The following DGKZ variants were observed in gnomAD, a reference collection of about 807,000 sequenced individuals.
DGKZ encodes the protein diacylglycerol kinase zeta, also known as DAG kinase zeta.
In DGKZ, 45 loss-of-function variants were observed where a neutral mutation model predicts 142.5. The ratio of observed to expected loss-of-function variants is 0.32; its 90% CI spans 0.25 to 0.40. DGKZ has a LOEUF of 0.40. DGKZ is among the 10% of genes least tolerant of loss of function. DGKZ has a pLI of 1.00. For synonymous variants in DGKZ, 442 were observed against 527.0 expected (o/e 0.84, Z 2.21); for missense variants, 755 against 1,306.5 (o/e 0.58, Z 6.51).
intron 4 of DGKZ, chr11:46,369,069 G>A (rs1565054532): frequency 1.6e-5 from 4 of 243,530 alleles, no homozygotes; most frequent in East Asian, 2.5e-4. Flanking sequence ...TTAGCCAGGC[G>A]TGGTGATGCA....
In DGKZ at chr11:46,374,293, G is replaced by T. The variant is rs75597153; in HGVS notation, c.1405+58G>T. 22,393 of 1,612,318 alleles carry T rather than the reference G, an allele frequency of 0.014. 2,677 individuals carry two copies. In the African/African-American group the frequency reaches 0.26, roughly 19 times the overall value. ...TGGGCACAGGAGTGTCCCCGGGAGG[G>T]TCAGACCCTGCTCCCGCCAGTGAAG... On this transcript the variant is annotated intron_variant, in intron 15 of 30. Coordinates refer to ENST00000527911, the Ensembl canonical transcript of DGKZ.
At chr11:46,356,789 T>G (rs1343905951) in intron 1 of DGKZ, among the ~76,000 whole-genome samples, 1 of 152,204 alleles carries the variant, frequency 6.6e-6, no homozygotes, top group Non-Finnish European at 1.5e-5. Context: ...GCTTTGTCTC[T>G]CAGTTTCCTC....
In DGKZ at chr11:46,333,527, A is replaced by G. The variant is rs756129517; in HGVS notation, c.212+40A>G. The stretch of plus-strand genomic sequence containing the variant: ...GGCAGAGGGGAGCGCGGCGCTTGGG[A>G]CCACCCCTCTTGCAGGCGTCATTGC... On this transcript the variant is annotated intron_variant, in intron 1 of 30. Transcript: ENST00000343674. The G allele has an allele frequency of 4.0e-5, 61 of 1,519,768 alleles. No individual in the cohort carries two copies. In the Admixed American group the frequency reaches 1.2e-3, roughly 29 times the overall value. The allele number at this position is 1,519,768 out of a possible 1,614,324, so 94.1% of individuals were successfully genotyped here.
chr11:46,360,032 T>C (rs923888355), intron 1 of DGKZ, among the ~76,000 whole-genome samples: 3 of 152,176 alleles, frequency 2.0e-5, no homozygotes, highest in Non-Finnish European at 4.4e-5. Context: ...TTAAAGATAT[T>C]CCTTCTTTTT....
At chr11:46,354,443 A>C (rs2136417963) in intron 1 of DGKZ, among the ~76,000 whole-genome samples, 1 of 152,172 alleles carries the variant, frequency 6.6e-6, no homozygotes, top group South Asian at 2.1e-4. Flanking sequence ...TGATCCTCCC[A>C]CCTTGGCCTC....
intron 1 of DGKZ, among the ~76,000 whole-genome samples, chr11:46,352,571 C>G (rs540517928): frequency 1.2e-4 from 18 of 152,344 alleles, no homozygotes; most frequent in South Asian, 2.1e-4. Flanking sequence ...TCTGGGACTC[C>G]CGCGCTGGGC....
intron 4 of DGKZ, chr11:46,368,670 T>C (rs1590567128): frequency 5.1e-6 from 1 of 194,690 alleles, no homozygotes; most frequent in African/African-American, 2.4e-5. Flanking sequence ...CAGGCTGCTT[T>C]CCCCAGCCTC....
chr11:46,379,635 G>T, intron 30 of DGKZ, 67 bp downstream of exon 30: 1 of 1,435,196 alleles, frequency 7.0e-7, no homozygotes. Flanking sequence ...TCCTAGGCGG[G>T]AGCTGGGGCT....
chr11:46,353,985 G>T (rs982724615), intron 1 of DGKZ, among the ~76,000 whole-genome samples: 16 of 152,230 alleles, frequency 1.1e-4, no homozygotes, highest in Non-Finnish European at 1.5e-5. Flanking sequence ...GGCGGGGGCG[G>T]TTGTGAAAGG....
At chr11:46,371,914 G>A in intron 9 of DGKZ, 139 bp downstream of exon 9, 4 of 1,247,758 alleles carry the variant, frequency 3.2e-6, no homozygotes, top group South Asian at 1.3e-5. Flanking sequence ...AGGAAGGCAG[G>A]ATTAGATGCC....
Position 46,365,216 on chromosome 11 carries a change from G to T in DGKZ, c.162-2075G>T, listed in dbSNP as rs937662639. ...GCCTGCCTGCAGGAGGGAGCTCTGG[G>T]CTGTGCAGCGTTTGGAATTGTGAGT... On this transcript the variant is annotated intron_variant, in intron 1 of 30. Coordinates refer to ENST00000527911, the Ensembl canonical transcript of DGKZ. 10 of 985,320 alleles carry T rather than the reference G, an allele frequency of 1.0e-5. No homozygotes were observed. In the African/African-American group the frequency reaches 1.7e-4, roughly 17 times the overall value. The allele number at this position is 985,320 out of a possible 1,614,324, so 61.0% of individuals were successfully genotyped here.
chr11:46,379,775 G>C, intron 30 of DGKZ, 56 bp from the exon 31 acceptor site: 1 of 1,514,302 alleles, frequency 6.6e-7, no homozygotes, highest in African/African-American at 1.4e-5. Flanking sequence ...CTCTCAGCCT[G>C]CTAGGGGTTA....
Position 46,367,059 on chromosome 11 carries a change from T to C in DGKZ, c.162-232T>C. On this transcript the variant is annotated intron_variant, in intron 1 of 30. Coordinates refer to ENST00000527911, the Ensembl canonical transcript of DGKZ. This position sits in a 1 kb window ranked among gnomAD's most constrained non-coding sequence, Gnocchi z 4.1. The stretch of plus-strand genomic sequence containing the variant: ...CTGGCCTGGGCATGGGCCTTGAAGC[T>C]CTGCCTGGCTGAGGGTTCCCCACTT... 6.9e-7 allele frequency: 1 copy of C among 1,454,746 alleles called. No homozygotes were observed. The highest frequency in any genetic ancestry group is 9.1e-7 in the Non-Finnish European group (1 of 1,099,106). The allele number at this position is 1,454,746 out of a possible 1,614,324, so 90.1% of individuals were successfully genotyped here. A position where few individuals can be genotyped will look rare whatever the true frequency, so the allele number is the denominator to read the frequency against.
intron 8 of DGKZ, 47 bp from the exon 9 acceptor site, chr11:46,371,657 A>C (rs754842794): frequency 1.2e-6 from 2 of 1,613,606 alleles, no homozygotes; most frequent in Admixed American, 3.3e-5. Context: ...TCTGCCAGCT[A>C]CCCCAGCCTG....
chr11:46,377,344 C>T (rs1944665554), intron 25 of DGKZ, 132 bp downstream of exon 25: 1 of 1,417,716 alleles, frequency 7.1e-7, no homozygotes, highest in Non-Finnish European at 9.3e-7. Context: ...GGCCAAAGCC[C>T]ACCTGACGGC....
chr11:46,364,452 C>T, intron 1 of DGKZ: 1 of 1,278,310 alleles, frequency 7.8e-7, no homozygotes. Flanking sequence ...GCCCCTGCAG[C>T]TCCCTCCGGC....
chr11:46,367,560 G>A lies in DGKZ; in HGVS notation c.271-92G>A. 8.4e-7 allele frequency: 1 copy of A among 1,197,090 alleles called. No individual in the cohort carries two copies. The highest frequency in any genetic ancestry group is 1.1e-6 in the Non-Finnish European group (1 of 876,106). 74.2% of individuals were successfully genotyped at this position (1,197,090 alleles called of 1,614,324 possible). A position where few individuals can be genotyped will look rare whatever the true frequency, so the allele number is the denominator to read the frequency against. ...CAGGGTCGATCGGGGCGCTGGAGTG[G>A]GTTTGTCTTGGGAGAGGGCGGGTGG... On this transcript the variant is annotated intron_variant, in intron 2 of 30. Coordinates refer to ENST00000527911, the Ensembl canonical transcript of DGKZ. The surrounding 1 kb of genome is among the most constrained non-coding windows in gnomAD (Gnocchi z 4.1).
chr11:46,376,670 C>T, intron 24 of DGKZ, 106 bp downstream of exon 24: 1 of 1,438,116 alleles, frequency 7.0e-7, no homozygotes, highest in African/African-American at 1.4e-5. Context: ...CACCTCTGTC[C>T]TCATGCCTCT....
At chr11:46,377,478 C>T in intron 25 of DGKZ, 1 of 523,968 alleles carries the variant, frequency 1.9e-6, no homozygotes, top group Non-Finnish European at 3.2e-6. Context: ...ACCACCTGAG[C>T]ACTCCTCCCC....
Sources: allele counts gnomAD v4.1 joint callset (sites outside exome capture counted in the v4.1 genomes callset), GRCh38; gene constraint gnomAD v4.1.1; non-coding constraint Gnocchi (gnomAD v3.1); transcripts MANE v1.5; gene names NCBI Gene and HGNC (gene_info 2026-07-23, HGNC 2026-07-21).